The following PTPN2 variants were observed in gnomAD, a reference collection of about 807,000 sequenced individuals.
PTPN2 encodes tyrosine-protein phosphatase non-receptor type 2.
Under a neutral mutation model 57.3 loss-of-function variants are expected in PTPN2, and 19 were observed. That is an observed-to-expected ratio of 0.33 (90% confidence interval 0.23 to 0.49). The LOEUF (loss-of-function observed/expected upper bound fraction) is 0.49. Among genes scored for constraint, PTPN2 ranks in the 20% least tolerant of loss-of-function variants. The pLI, the probability that PTPN2 is intolerant of heterozygous loss-of-function variation, is 0.99. For synonymous variants in PTPN2, 153 were observed against 164.9 expected, an observed-to-expected ratio of 0.93 and a Z score of 0.55; for missense variants, 358 against 501.1, an observed-to-expected ratio of 0.71 and a Z score of 2.73.
chr18:12,826,432 T>C (rs2042463152), intron 4 of PTPN2, among the ~76,000 whole-genome samples: 1 of 152,096 alleles, frequency 6.6e-6, no homozygotes, highest in South Asian at 2.1e-4. Context: ...GATTGAAATT[T>C]TATAAAGCAT....
chr18:12,801,270 T>TG (rs2041411325), intron 8 of PTPN2, among the ~76,000 whole-genome samples: 1 of 152,186 alleles, frequency 6.6e-6, no homozygotes, highest in African/African-American at 2.4e-5. Flanking sequence ...CCCAGCACTT[T>TG]GGGAGGCTGA....
intron 9 of PTPN2, chr18:12,785,855 A>G (rs2040832258): frequency 1.3e-6 from 2 of 1,599,062 alleles, no homozygotes; most frequent in East Asian, 4.5e-5. Flanking sequence ...CTAAAACATA[A>G]AATAAGAAGT....
In PTPN2 at chr18:12,805,372, G is replaced by A. The variant is rs568881036; in HGVS notation, c.859-3221C>T. On this transcript the variant is annotated intron_variant, in intron 7 of 8. Coordinates refer to ENST00000309660, the MANE Select transcript of PTPN2 (RefSeq NM_002828.4). ...CTCAGGTGGCTGAGGCATGAGAATC[G>A]CTTGAACCCAGAAGGCGGAGGTAGC... is the stretch of plus-strand genomic sequence containing the variant. Among the ~76,000 whole-genome samples, 375 of 151,482 alleles carry A rather than the reference G, an allele frequency of 2.5e-3. 3 individuals carry two copies. Among genetic ancestry groups the A allele is most frequent in the African/African-American group, 8.5e-3 (352 of 41,272 alleles).
At chr18:12,790,497 T>C (rs1337616352), downstream of PTPN2, among the ~76,000 whole-genome samples, 1 of 152,198 alleles carries the variant, frequency 6.6e-6, no homozygotes, top group African/African-American at 2.4e-5. Flanking sequence ...TCTGAGACTT[T>C]TCAAAGACAG....
intron 1 of PTPN2, chr18:12,863,808 T>C (rs936897670): frequency 6.6e-6 from 1 of 152,208 alleles, no homozygotes. Flanking sequence ...CTTTAAAGTA[T>C]AATTTAACCA....
downstream of PTPN2, among the ~76,000 whole-genome samples, chr18:12,789,578 G>A (rs750918915): frequency 2.0e-5 from 3 of 152,208 alleles, no homozygotes; most frequent in Non-Finnish European, 4.4e-5. Context: ...GTCCAGCACA[G>A]CCAGGCGAGG....
Position 12,830,958 on chromosome 18 carries a change from A to G in PTPN2, c.345T>C (p.Ile115=). The change falls in exon 4 of 9, where the codon ATT becomes ATC. Residue 115 remains isoleucine, a synonymous_variant. Transcript: ENST00000309660. ...KTKAVVMLNR[I]VEKESVKCAQ... is the part of the protein sequence containing the mutation. ...TATTACTCACCGATTCTTTCTCCAC[A>G]ATGCGGTTCAGCATGACAACTGCTT... 6.3e-7 allele frequency: 1 copy of G among 1,598,194 alleles called. No individual in the cohort carries two copies. The highest frequency in any genetic ancestry group is 1.1e-5 in the South Asian group (1 of 90,740).
At chr18:12,795,307 C>T (rs534806681) in intron 8 of PTPN2, among the ~76,000 whole-genome samples, 5 of 151,714 alleles carry the variant, frequency 3.3e-5, no homozygotes, top group Non-Finnish European at 5.9e-5. Context: ...GTGGGGGAGG[C>T]GGGGTGGATG....
chr18:12,847,141 G>A (rs1211315350), intron 2 of PTPN2, among the ~76,000 whole-genome samples: 1 of 152,000 alleles, frequency 6.6e-6, no homozygotes, highest in African/African-American at 2.4e-5. Flanking sequence ...GATGAACAGG[G>A]GCAAGAAATG....
At chr18:12,842,327 T>C (rs567861099) in intron 2 of PTPN2, among the ~76,000 whole-genome samples, 15 of 152,344 alleles carry the variant, frequency 9.8e-5, no homozygotes, top group Admixed American at 5.2e-4. Flanking sequence ...CAAAGGCCCA[T>C]GAGACACCAT....
chr18:12,860,176 C>G (rs570939576), intron 1 of PTPN2, among the ~76,000 whole-genome samples: 3 of 152,102 alleles, frequency 2.0e-5, no homozygotes, highest in Non-Finnish European at 1.5e-5. Context: ...GTAATCCCAG[C>G]TACTCGGGAG....
At chr18:12,868,631 T>G (rs1179641946) in intron 1 of PTPN2, among the ~76,000 whole-genome samples, 1 of 151,474 alleles carries the variant, frequency 6.6e-6, no homozygotes, top group Non-Finnish European at 1.5e-5. Flanking sequence ...AACTCTTTCT[T>G]TTTAAAAACT....
At chr18:12,817,799 A>T (rs1304151749) in intron 5 of PTPN2, among the ~76,000 whole-genome samples, 1 of 152,168 alleles carries the variant, frequency 6.6e-6, no homozygotes, top group Admixed American at 6.5e-5. Context: ...ACATGTTACC[A>T]ATATTTTCTT....
At chr18:12,839,024 T>G (rs1010254729) in intron 2 of PTPN2, among the ~76,000 whole-genome samples, 13 of 151,790 alleles carry the variant, frequency 8.6e-5, no homozygotes, top group African/African-American at 3.1e-4. Context: ...ATAAAAAGTA[T>G]ATATAACTTT....
intron 5 of PTPN2, among the ~76,000 whole-genome samples, chr18:12,818,212 A>G (rs370605923): frequency 6.6e-6 from 1 of 152,150 alleles, no homozygotes; most frequent in South Asian, 2.1e-4. Context: ...TATGAATTTC[A>G]AAGTTTATTT....
Position 12,841,575 on chromosome 18 carries a change from T to C in PTPN2, c.161-4684A>G, listed in dbSNP as rs1015644929. ...CACAGCTTTGCTAATAAAGTATACA[T>C]TGTTTAGGAAACATTTGGTAAGTTC... is the stretch of plus-strand genomic sequence containing the variant. On this transcript the variant is annotated intron_variant, in intron 2 of 8. Transcript: ENST00000309660. Among the ~76,000 whole-genome samples the C allele has an allele frequency of 5.3e-5, 8 of 152,234 alleles. No individual in the cohort carries two copies. The South Asian group carries it at 6.2e-4, about 12-fold the overall frequency.
chr18:12,794,557 C>T, intron 8 of PTPN2, 72 bp from the exon 9 acceptor site: 1 of 1,541,700 alleles, frequency 6.5e-7, no homozygotes, highest in Non-Finnish European at 8.7e-7. Flanking sequence ...CACAGAGGAC[C>T]TAGGCGCAAA....
chr18:12,850,590 T>C (rs1167403361), intron 2 of PTPN2, among the ~76,000 whole-genome samples: 1 of 152,146 alleles, frequency 6.6e-6, no homozygotes, highest in Non-Finnish European at 1.5e-5. Context: ...CAGTATTTTA[T>C]ATATTGTTTA....
Position 12,884,234 on chromosome 18 carries a change from A to G in PTPN2, c.-93T>C. 1.1e-6 allele frequency: 1 copy of G among 949,532 alleles called. No homozygotes were observed. The highest frequency in any genetic ancestry group is 1.4e-6 in the Non-Finnish European group (1 of 697,574). 58.8% of individuals were successfully genotyped at this position (949,532 alleles called of 1,614,324 possible). A position where few individuals can be genotyped will look rare whatever the true frequency, so the allele number is the denominator to read the frequency against. ...GGGGAGAGCGCTGGCGCTGCGGCGC[A>G]TGCGCGCTGCGCGCCGCGCCCCGCC... is the stretch of plus-strand genomic sequence containing the variant. On this transcript the variant is annotated 5_prime_UTR_variant, in exon 1 of 9. An upstream start codon of the reference 5' UTR is lost. Coordinates refer to ENST00000309660, the MANE Select transcript of PTPN2 (RefSeq NM_002828.4).
Sources: gnomAD v4.1 joint callset for allele counts (sites outside exome capture counted in the v4.1 genomes callset) on GRCh38, gnomAD v4.1.1 for gene constraint, MANE v1.5 for transcripts, NCBI Gene and HGNC (gene_info 2026-07-23, HGNC 2026-07-21) for gene names.